CNTN5: variants seen among roughly 807,000 people sequenced by gnomAD.
CNTN5 encodes the protein contactin 5.
Under a neutral mutation model 129.1 loss-of-function variants are expected in CNTN5, and 77 were observed. The observed-to-expected ratio is 0.60, with a 90% CI of 0.50 to 0.72. CNTN5 has a LOEUF of 0.72. Ranked by LOEUF, CNTN5 falls within the 30% of genes least tolerant of loss-of-function variation. The pLI is 0.00. For missense variants in CNTN5, 1,478 were observed against 1,328.8 expected (o/e 1.11, Z -1.75); for synonymous variants, 509 against 465.6 (o/e 1.09, Z -1.20).
intron 8 of CNTN5, among the ~76,000 whole-genome samples, chr11:99,997,367 C>T (rs983813734): frequency 6.6e-5 from 10 of 152,112 alleles, no homozygotes; most frequent in Admixed American, 5.2e-4. Flanking sequence ...TCAGAGAATA[C>T]TACAAACACC....
At chr11:99,302,204 A>T (rs916100707) in intron 1 of CNTN5, among the ~76,000 whole-genome samples, 1 of 151,612 alleles carries the variant, frequency 6.6e-6, no homozygotes, top group African/African-American at 2.4e-5. Flanking sequence ...AGCAAAAGGA[A>T]AAAAAGAATA....
rs112750637 is a variant in CNTN5 at position 99,658,154 on chromosome 11, C to CA, written c.55+101894dup. Among the ~76,000 whole-genome samples the CA allele has an allele frequency of 5.3e-5, 8 of 150,418 alleles. No individual in the cohort carries two copies. The East Asian group carries it at 5.8e-4, about 11-fold the overall frequency. On this transcript the variant is annotated intron_variant, in intron 3 of 24. Transcript: ENST00000524871. ...AGAGTGTGCAAACACAAAAGCAAAA[C>CA]AAAAAAAAATTACTCAGGTTGCAAC...
Position 100,308,882 on chromosome 11 carries a change from G to A in CNTN5, c.2730+414G>A, listed in dbSNP as rs142092503. 4 of 984,262 alleles carry A rather than the reference G, an allele frequency of 4.1e-6. No individual in the cohort carries two copies. In the East Asian group the frequency reaches 4.6e-4, roughly 112 times the overall value. 61.0% of individuals were successfully genotyped at this position (984,262 alleles called of 1,614,324 possible). A position where few individuals can be genotyped will look rare whatever the true frequency, so the allele number is the denominator to read the frequency against. On this transcript the variant is annotated intron_variant, in intron 21 of 24. Transcript: ENST00000524871. ...AGTGCTGAATTATCAAATTTTGCTT[G>A]GAATTTAATGATCTGTATTGTATCT... is the stretch of plus-strand genomic sequence containing the variant.
chr11:99,870,371 C>T (rs1231207139), intron 6 of CNTN5, among the ~76,000 whole-genome samples: 2 of 152,012 alleles, frequency 1.3e-5, no homozygotes, highest in African/African-American at 4.8e-5. Flanking sequence ...ACTTTACCAT[C>T]AATATATTTG....
At chr11:100,287,642 G>A (rs1386583312) in intron 18 of CNTN5, among the ~76,000 whole-genome samples, 12 of 151,504 alleles carry the variant, frequency 7.9e-5, no homozygotes, top group South Asian at 2.1e-4. Context: ...GGTACCAGCC[G>A]CTGCAAAATC....
chr11:99,269,811 A>T (rs1863090502), intron 1 of CNTN5, among the ~76,000 whole-genome samples: 1 of 151,964 alleles, frequency 6.6e-6, no homozygotes, highest in African/African-American at 2.4e-5. Context: ...AGAGGAAAAC[A>T]ATCCCACAAG....
At chr11:100,235,392 A>G (rs1482835460) in intron 16 of CNTN5, among the ~76,000 whole-genome samples, 1 of 152,162 alleles carries the variant, frequency 6.6e-6, no homozygotes, top group Non-Finnish European at 1.5e-5. Flanking sequence ...AAGGCTCTGC[A>G]TAGCTTCAGG....
At chr11:99,485,382 A>C (rs1945771694) in intron 2 of CNTN5, among the ~76,000 whole-genome samples, 1 of 152,180 alleles carries the variant, frequency 6.6e-6, no homozygotes, top group Non-Finnish European at 1.5e-5. Flanking sequence ...ATTTTTCAAA[A>C]GCCACAGAAT....
chr11:99,924,839 C>A (rs144840329), intron 7 of CNTN5, among the ~76,000 whole-genome samples: 1 of 151,962 alleles, frequency 6.6e-6, no homozygotes, highest in Non-Finnish European at 1.5e-5. Context: ...AGTTTCAATG[C>A]AGTTGTTTTT....
chr11:99,909,149 GT>G (rs1178767732), intron 6 of CNTN5, among the ~76,000 whole-genome samples: 3 of 152,082 alleles, frequency 2.0e-5, no homozygotes, highest in Non-Finnish European at 2.9e-5. Flanking sequence ...TGGAGAGACA[GT>G]TTTTATTAAA....
intron 6 of CNTN5, among the ~76,000 whole-genome samples, chr11:99,897,779 T>C (rs887711150): frequency 4.6e-5 from 7 of 152,038 alleles, no homozygotes; most frequent in African/African-American, 1.4e-4. Context: ...ATGTCAGGAA[T>C]AAAAACTTAC....
intron 1 of CNTN5, among the ~76,000 whole-genome samples, chr11:99,242,251 A>C (rs574986096): frequency 6.6e-6 from 1 of 152,266 alleles, no homozygotes; most frequent in East Asian, 1.9e-4. Context: ...ATTTGGTATC[A>C]ATTAGTATTT....
intron 3 of CNTN5, among the ~76,000 whole-genome samples, chr11:99,793,787 G>A (rs1371132776): frequency 1.3e-5 from 2 of 151,984 alleles, no homozygotes; most frequent in Non-Finnish European, 2.9e-5. Flanking sequence ...TAAGAGTGTG[G>A]TTGATTTCAA....
chr11:99,668,182 A>C (rs1467367481), intron 3 of CNTN5, among the ~76,000 whole-genome samples: 1 of 152,100 alleles, frequency 6.6e-6, no homozygotes, highest in Non-Finnish European at 1.5e-5. Flanking sequence ...TGGCATAAAG[A>C]AAAGGGGGAG....
At chr11:99,858,486 T>A (rs7110964) in intron 6 of CNTN5, among the ~76,000 whole-genome samples, 93,006 of 151,360 alleles carry the variant, frequency 0.61, 29,159 homozygotes, top group East Asian at 0.88. Flanking sequence ...GCAGGCCTAG[T>A]AACTTGACCT....
At chr11:99,364,237 A>G (rs2136115267) in intron 2 of CNTN5, among the ~76,000 whole-genome samples, 1 of 152,188 alleles carries the variant, frequency 6.6e-6, no homozygotes, top group African/African-American at 2.4e-5. Flanking sequence ...CACTCATTTG[A>G]ACAGCTCAGA....
chr11:99,339,413 G>T (rs1866405193), intron 2 of CNTN5, among the ~76,000 whole-genome samples: 1 of 151,944 alleles, frequency 6.6e-6, no homozygotes, highest in Non-Finnish European at 1.5e-5. Context: ...GCCAATGTTT[G>T]CTCTGAGGCA....
intron 2 of CNTN5, among the ~76,000 whole-genome samples, chr11:99,482,537 C>T (rs1345086874): frequency 6.6e-6 from 1 of 152,054 alleles, no homozygotes; most frequent in African/African-American, 2.4e-5. Context: ...TTAATGTTTT[C>T]AAATGTGAAA....
chr11:100,204,326 ATATATATATATATATAT>A (rs1948866518), intron 15 of CNTN5, among the ~76,000 whole-genome samples: 2 of 111,834 alleles, frequency 1.8e-5, no homozygotes, highest in African/African-American at 6.1e-5. Context: ...ATATATATAT[ATATATATATATATATAT>A]AATTATAGGC....
Sources: allele counts gnomAD v4.1 joint callset (sites outside exome capture counted in the v4.1 genomes callset), GRCh38; gene constraint gnomAD v4.1.1; transcripts MANE v1.5; gene names NCBI Gene and HGNC (gene_info 2026-07-23, HGNC 2026-07-21).